The following ALK variants were observed in gnomAD, a reference collection of about 807,000 sequenced individuals.
ALK encodes ALK tyrosine kinase receptor.
A neutral mutation model predicts 163.1 loss-of-function variants in ALK; 74 were observed. The ratio of observed to expected loss-of-function variants is 0.45; its 90% CI spans 0.38 to 0.55. The LOEUF (loss-of-function observed/expected upper bound fraction) is 0.55. Ranked by LOEUF, ALK falls within the 20% of genes least tolerant of loss-of-function variation. The pLI, the probability that ALK is intolerant of heterozygous loss-of-function variation, is 0.00. For synonymous variants in ALK, 960 were observed against 843.2 expected (o/e 1.14, Z -2.40); for missense variants, 2,063 against 2,105.3 (o/e 0.98, Z 0.39).
chr2:29,372,257 A>G (rs1211444976), intron 5 of ALK, among the ~76,000 whole-genome samples: 2 of 152,148 alleles, frequency 1.3e-5, no homozygotes, highest in Non-Finnish European at 2.9e-5. Context: ...AGCCTCCTGT[A>G]TGGAGAGGCT....
intron 5 of ALK, among the ~76,000 whole-genome samples, chr2:29,360,746 TAGAAG>T (rs1382130039): frequency 2.0e-5 from 3 of 152,220 alleles, no homozygotes; most frequent in South Asian, 2.1e-4. Context: ...CACAGACATT[TAGAAG>T]AGAAGTTATT....
At chr2:29,458,130 G>A (rs1320379759) in intron 4 of ALK, among the ~76,000 whole-genome samples, 1 of 152,096 alleles carries the variant, frequency 6.6e-6, no homozygotes, top group East Asian at 1.9e-4. Context: ...GTTTTACAAT[G>A]TGTATACATA....
intron 4 of ALK, among the ~76,000 whole-genome samples, chr2:29,384,064 T>C (rs1003863296): frequency 6.6e-6 from 1 of 152,188 alleles, no homozygotes; most frequent in Non-Finnish European, 1.5e-5. Context: ...TCCAACAAAC[T>C]TAGAGATCCA....
intron 3 of ALK, among the ~76,000 whole-genome samples, chr2:29,552,693 G>A (rs1381874330): frequency 6.6e-6 from 1 of 152,114 alleles, no homozygotes; most frequent in East Asian, 1.9e-4. Context: ...CCATTTTTTA[G>A]TTGGGTTGTT....
chr2:29,766,521 C>G (rs974374682), intron 1 of ALK, among the ~76,000 whole-genome samples: 1 of 152,144 alleles, frequency 6.6e-6, no homozygotes, highest in African/African-American at 2.4e-5. Context: ...CAAGACATAC[C>G]CTAGGCAGTG....
At chr2:29,588,045 T>G (rs1282804554) in intron 3 of ALK, among the ~76,000 whole-genome samples, 1 of 152,174 alleles carries the variant, frequency 6.6e-6, no homozygotes, top group African/African-American at 2.4e-5. Flanking sequence ...GTCCCCATCC[T>G]GGACAGATTT....
intron 1 of ALK, among the ~76,000 whole-genome samples, chr2:29,894,989 G>T (rs1667233490): frequency 6.6e-6 from 1 of 152,112 alleles, no homozygotes; most frequent in Non-Finnish European, 1.5e-5. Flanking sequence ...TCCATCAGTG[G>T]TAAAACCTCC....
intron 5 of ALK, among the ~76,000 whole-genome samples, chr2:29,334,670 G>C (rs1667555643): frequency 6.6e-6 from 1 of 152,154 alleles, no homozygotes; most frequent in Non-Finnish European, 1.5e-5. Flanking sequence ...CACAGCAGCA[G>C]CCCAGAGGTG....
chr2:29,919,947 G>T (rs2148442704), intron 1 of ALK, 46 bp downstream of exon 1: 1 of 1,601,806 alleles, frequency 6.2e-7, no homozygotes, highest in South Asian at 1.1e-5. Flanking sequence ...ATATCAATGT[G>T]ACTAAAAACA....
intron 5 of ALK, among the ~76,000 whole-genome samples, chr2:29,349,013 A>G (rs1450236241): frequency 6.6e-6 from 1 of 152,140 alleles, no homozygotes. Flanking sequence ...GGGGATAATA[A>G]GAGTACCTTC....
chr2:29,753,373 C>CG (rs894919178), intron 1 of ALK, among the ~76,000 whole-genome samples: 24 of 152,132 alleles, frequency 1.6e-4, no homozygotes, highest in East Asian at 9.7e-4. Flanking sequence ...GGGTAAGTTA[C>CG]GGGGGGGAGC....
intron 1 of ALK, among the ~76,000 whole-genome samples, chr2:29,737,288 C>T (rs1410021624): frequency 2.6e-5 from 4 of 151,810 alleles, no homozygotes; most frequent in Admixed American, 2.6e-4. Context: ...TTATAGGTAG[C>T]TTTGTTATAT....
chr2:29,223,551 A>C (rs2148171284), intron 19 of ALK, 23 bp from the exon 20 acceptor site: 4 of 1,611,408 alleles, frequency 2.5e-6, no homozygotes, highest in Non-Finnish European at 3.4e-6. Context: ...GGTCAGCTGC[A>C]ACATGGCCTG....
intron 4 of ALK, among the ~76,000 whole-genome samples, chr2:29,455,056 G>C (rs926526489): frequency 1.3e-5 from 2 of 152,048 alleles, no homozygotes; most frequent in African/African-American, 2.4e-5. Context: ...TCTTGAAAAG[G>C]GTCCTAGACG....
intron 15 of ALK, among the ~76,000 whole-genome samples, chr2:29,230,287 ATCT>A (rs530395159): frequency 0.021 from 1,729 of 84,240 alleles, 39 homozygotes; most frequent in African/African-American, 0.055. Context: ...AGACACAATC[ATCT>A]TTTTTTTTTT....
intron 3 of ALK, among the ~76,000 whole-genome samples, chr2:29,686,737 C>G (rs1349012822): frequency 2.0e-5 from 3 of 152,162 alleles, no homozygotes; most frequent in African/African-American, 7.2e-5. Context: ...CATCTATAAT[C>G]CATCCCAACA....
intron 26 of ALK, among the ~76,000 whole-genome samples, chr2:29,205,535 C>T (rs1669289357): frequency 6.6e-6 from 1 of 152,214 alleles, no homozygotes; most frequent in South Asian, 2.1e-4. Context: ...GAAATCAAGG[C>T]ATCAGCAGGG....
At chr2:29,778,475 T>C (rs1027914800) in intron 1 of ALK, among the ~76,000 whole-genome samples, 4 of 152,172 alleles carry the variant, frequency 2.6e-5, no homozygotes, top group African/African-American at 9.7e-5. Flanking sequence ...TCTGTGTGCA[T>C]TCCTAGATGG....
At chr2:29,300,826 A>C (rs1273952562) in intron 8 of ALK, among the ~76,000 whole-genome samples, 1 of 152,190 alleles carries the variant, frequency 6.6e-6, no homozygotes, top group Non-Finnish European at 1.5e-5. Flanking sequence ...ATGACAGAAG[A>C]GGAGGAGAGG....
Sources: allele counts gnomAD v4.1 joint callset (sites outside exome capture counted in the v4.1 genomes callset), GRCh38; gene constraint gnomAD v4.1.1; transcripts MANE v1.5; gene names NCBI Gene and HGNC (gene_info 2026-07-23, HGNC 2026-07-21).